Variants in SPMIP11 observed in about 807,000 individuals in gnomAD.
SPMIP11 encodes the protein long intergenic non-protein coding RNA 935.
the SPMIP11 span, chr12:48,759,201 A>C: frequency 5.7e-6 from 4 of 702,712 alleles, no homozygotes; most frequent in East Asian, 1.1e-4. Flanking sequence ...AGTCTACTCT[A>C]ATTTCAGACC....
At chr12:48,729,707 TAAAA>T in the SPMIP11 span, among the ~76,000 whole-genome samples, 6 of 112,464 alleles carry the variant, frequency 5.3e-5, no homozygotes, top group Admixed American at 9.6e-5. Flanking sequence ...AGACTCCGTC[TAAAA>T]AAAAAAAAAA....
the SPMIP11 span, among the ~76,000 whole-genome samples, chr12:48,747,894 G>A: frequency 7.2e-5 from 11 of 152,260 alleles, no homozygotes; most frequent in African/African-American, 2.4e-4. Flanking sequence ...GACACCTGTC[G>A]AGACAAAGGT....
the SPMIP11 span, among the ~76,000 whole-genome samples, chr12:48,751,755 T>C: frequency 3.9e-5 from 6 of 151,902 alleles, no homozygotes; most frequent in South Asian, 1.2e-3. Flanking sequence ...TTGTAGAGAC[T>C]GCACAATAAG....
the SPMIP11 span, among the ~76,000 whole-genome samples, chr12:48,751,998 C>T: frequency 2.7e-5 from 4 of 147,818 alleles, no homozygotes; most frequent in Non-Finnish European, 4.5e-5. Context: ...ACCTGGGAGG[C>T]GGAGGTTGCA....
At chr12:48,727,484 G>T in the SPMIP11 span, 1 of 702,932 alleles carries the variant, frequency 1.4e-6, no homozygotes, top group East Asian at 2.7e-5. Context: ...ATCTGAGATG[G>T]CCTTCTTCAA....
chr12:48,746,479 G>T, the SPMIP11 span, among the ~76,000 whole-genome samples: 1 of 145,328 alleles, frequency 6.9e-6, no homozygotes. Context: ...CAATTCTTCT[G>T]CCTCAGCCTC....
chr12:48,763,717 C>T, the SPMIP11 span, among the ~76,000 whole-genome samples: 6 of 144,678 alleles, frequency 4.1e-5, no homozygotes, highest in East Asian at 2.1e-4. Context: ...CTCGCTCTGT[C>T]GCCCTGGCTG....
chr12:48,730,261 G>A, the SPMIP11 span, among the ~76,000 whole-genome samples: 6 of 152,160 alleles, frequency 3.9e-5, no homozygotes, highest in African/African-American at 1.4e-4. Flanking sequence ...TGGGATGACG[G>A]AGAAGTATCC....
chr12:48,737,367 C>T, the SPMIP11 span, among the ~76,000 whole-genome samples: 18 of 150,900 alleles, frequency 1.2e-4, no homozygotes, highest in Non-Finnish European at 2.1e-4. Flanking sequence ...CTCTTTCATT[C>T]TGGAAATTTA....
At chr12:48,732,871 T>A in the SPMIP11 span, among the ~76,000 whole-genome samples, 2 of 150,800 alleles carry the variant, frequency 1.3e-5, no homozygotes, top group African/African-American at 4.9e-5. Context: ...CTGGGAGCGG[T>A]GGCTCACTCC....
At chr12:48,743,933 C>CAAAAAAAAAAAAAAAAAA in the SPMIP11 span, among the ~76,000 whole-genome samples, 5 of 34,890 alleles carry the variant, frequency 1.4e-4, no homozygotes, top group African/African-American at 5.6e-4. Flanking sequence ...GACTTCGTCT[C>CAAAAAAAAAAAAAAAAAA]AAAAAAAAAA....
At chr12:48,757,637 C>G in the SPMIP11 span, among the ~76,000 whole-genome samples, 1 of 122,644 alleles carries the variant, frequency 8.2e-6, no homozygotes, top group African/African-American at 3.0e-5. Flanking sequence ...CAGAGTGAGA[C>G]TCTATCTCAA....
chr12:48,751,512 G>C, the SPMIP11 span, among the ~76,000 whole-genome samples: 1 of 151,608 alleles, frequency 6.6e-6, no homozygotes, highest in Non-Finnish European at 1.5e-5. Context: ...AGGCTGAGGT[G>C]GGAGGATCAC....
chr12:48,756,277 G>T, the SPMIP11 span, among the ~76,000 whole-genome samples: 8 of 152,030 alleles, frequency 5.3e-5, no homozygotes, highest in Non-Finnish European at 1.2e-4. Flanking sequence ...CCAGGAAATG[G>T]CCTCGTTGCT....
chr12:48,739,537 T>C, the SPMIP11 span, among the ~76,000 whole-genome samples: 1 of 152,170 alleles, frequency 6.6e-6, no homozygotes, highest in African/African-American at 2.4e-5. Flanking sequence ...AAAAGATGTT[T>C]AACTGTCCCA....
At chr12:48,730,585 T>G in the SPMIP11 span, among the ~76,000 whole-genome samples, 2 of 152,250 alleles carry the variant, frequency 1.3e-5, no homozygotes, top group Admixed American at 6.5e-5. Context: ...CTTAATTTCA[T>G]TTAATACTCT....
At chr12:48,737,444 C>T in the SPMIP11 span, among the ~76,000 whole-genome samples, 1 of 144,248 alleles carries the variant, frequency 6.9e-6, no homozygotes, top group Non-Finnish European at 1.5e-5. Context: ...GATGGAGTCT[C>T]ACTCTTATCA....
chr12:48,760,008 G>A, the SPMIP11 span, among the ~76,000 whole-genome samples: 6 of 152,000 alleles, frequency 3.9e-5, no homozygotes, highest in Admixed American at 1.3e-4. Context: ...GTTTGTCCAG[G>A]TTGGTCTCAA....
chr12:48,764,658 T>G, the SPMIP11 span, among the ~76,000 whole-genome samples: 1 of 152,200 alleles, frequency 6.6e-6, no homozygotes, highest in Non-Finnish European at 1.5e-5. Context: ...CTGATTCATT[T>G]GACCATGAAG....
Sources: gnomAD v4.1 joint callset for allele counts (sites outside exome capture counted in the v4.1 genomes callset) on GRCh38, gnomAD v4.1.1 for gene constraint, MANE v1.5 for transcripts, NCBI Gene and HGNC (gene_info 2026-07-23, HGNC 2026-07-21) for gene names.